ERC1: variants seen among roughly 807,000 people sequenced by gnomAD.
ERC1 encodes RAB6 interacting protein 2.
Under a neutral mutation model 132.0 loss-of-function variants are expected in ERC1, and 56 were observed. The ratio of observed to expected loss-of-function variants is 0.42; its 90% CI spans 0.34 to 0.53. The LOEUF (loss-of-function observed/expected upper bound fraction) is 0.53. Among genes scored for constraint, ERC1 ranks in the 20% least tolerant of loss-of-function variants. ERC1 has a pLI of 0.03. For synonymous variants in ERC1, 478 were observed against 476.1 expected (o/e 1.00, Z -0.05); for missense variants, 1,202 against 1,349.9 (o/e 0.89, Z 1.72).
intron 12 of ERC1, among the ~76,000 whole-genome samples, chr12:1,232,575 G>A (rs2075126133): frequency 6.6e-6 from 1 of 151,982 alleles, no homozygotes; most frequent in Admixed American, 6.5e-5. Flanking sequence ...CTGCATAACT[G>A]AGTTTCCTAT....
chr12:1,461,961 G>A (rs575484761), intron 18 of ERC1, among the ~76,000 whole-genome samples: 37 of 151,854 alleles, frequency 2.4e-4, no homozygotes, highest in Non-Finnish European at 4.6e-4. Flanking sequence ...ACATGACAAA[G>A]TACTTGTATT....
In ERC1 at chr12:1,083,468, C is replaced by G. The variant is rs1328083884; in HGVS notation, c.974C>G (p.Ala325Gly). 6.2e-7 allele frequency: 1 copy of G among 1,614,068 alleles called. No homozygotes were observed. Among genetic ancestry groups the G allele is most frequent in the East Asian group, 2.2e-5 (1 of 44,894 alleles). The change falls in exon 3 of 19, where the codon GCT becomes GGT. Residue 325 changes from alanine to glycine, a missense_variant. Transcript: ENST00000360905. ...MLQSKGLSAKATEEDHERTRR... is the reference protein window; with the variant it reads ...MLQSKGLSAKGTEEDHERTRR... The stretch of plus-strand genomic sequence containing the variant: ...CAGAGCAAAGGACTTTCTGCCAAGG[C>G]TACCGAGGAAGACCATGAGAGAACA...
At chr12:1,320,575 T>G (rs1464525924) in intron 15 of ERC1, among the ~76,000 whole-genome samples, 1 of 152,232 alleles carries the variant, frequency 6.6e-6, no homozygotes, top group African/African-American at 2.4e-5. Context: ...ATGCAGAATT[T>G]TCATAAGTAT....
chr12:1,345,917 T>C (rs895495503), intron 15 of ERC1, among the ~76,000 whole-genome samples: 2 of 152,218 alleles, frequency 1.3e-5, no homozygotes, highest in African/African-American at 2.4e-5. Flanking sequence ...GCCATTCTAC[T>C]TGAAGTATTA....
intron 7 of ERC1, among the ~76,000 whole-genome samples, chr12:1,133,604 A>G (rs1283815521): frequency 2.0e-5 from 3 of 152,184 alleles, no homozygotes; most frequent in African/African-American, 4.8e-5. Context: ...AACTGAATCA[A>G]TATTCAGTCT....
intron 1 of ERC1, chr12:991,571 C>T (rs1243667735): frequency 1.3e-5 from 2 of 152,040 alleles, no homozygotes; most frequent in African/African-American, 2.4e-5. Flanking sequence ...CGGCGCCCAC[C>T]CGCGGGCTCC....
chr12:1,235,148 C>G (rs1039719893), intron 12 of ERC1, among the ~76,000 whole-genome samples: 1 of 152,200 alleles, frequency 6.6e-6, no homozygotes, highest in Admixed American at 6.5e-5. Context: ...CAGTGGATTG[C>G]TTGAGTCCAG....
At chr12:1,372,705 C>T (rs1357238866) in intron 16 of ERC1, among the ~76,000 whole-genome samples, 4 of 152,222 alleles carry the variant, frequency 2.6e-5, no homozygotes, top group African/African-American at 4.8e-5. Flanking sequence ...CCTGGCTGGG[C>T]GCAGCATCCG....
At chr12:1,449,658 C>T (rs191642161) in intron 18 of ERC1, among the ~76,000 whole-genome samples, 39 of 152,006 alleles carry the variant, frequency 2.6e-4, no homozygotes, top group African/African-American at 8.7e-4. Context: ...TTCATAGCAG[C>T]GTGAGAATGG....
Position 1,284,304 on chromosome 12 carries a change from GTGTGTA to G in ERC1, c.2620-5546_2620-5541del, listed in dbSNP as rs1423365024. On this transcript the variant is annotated intron_variant, in intron 14 of 18. Transcript: ENST00000360905. ...TGTGTGTGTGTGTGTGTGTGTGTGT[GTGTGTA>G]TACATACCACATTTTATCCATTCAT... Among the ~76,000 whole-genome samples the G allele has an allele frequency of 2.3e-3, 333 of 144,064 alleles. 1 individual carries two copies. The highest frequency in any genetic ancestry group is 8.1e-3 in the African/African-American group (300 of 37,076). 94.5% of individuals were successfully genotyped at this position (144,064 alleles called of 152,430 possible). A position where few individuals can be genotyped will look rare whatever the true frequency, so the allele number is the denominator to read the frequency against.
chr12:1,151,526 G>A (rs1305747491), intron 8 of ERC1, among the ~76,000 whole-genome samples: 1 of 152,190 alleles, frequency 6.6e-6, no homozygotes, highest in East Asian at 1.9e-4. Context: ...CCCTCCATTT[G>A]AACTCTTAAA....
Position 1,274,260 on chromosome 12 carries a change from C to CT in ERC1, c.2619+11096dup, listed in dbSNP as rs759556575. Among the ~76,000 whole-genome samples, 12 of 152,228 alleles carry CT rather than the reference C, an allele frequency of 7.9e-5. No individual in the cohort carries two copies. In the East Asian group the frequency reaches 2.1e-3, roughly 27 times the overall value. On this transcript the variant is annotated intron_variant, in intron 14 of 18. Coordinates refer to ENST00000360905, the MANE Select transcript of ERC1 (RefSeq NM_178040.4). ...TTGTTTATCTAGATCCTCCTATGTG[C>CT]TAGAAACTGAGAATACTTTACTGAA...
chr12:1,045,220 G>C (rs1284306854), intron 2 of ERC1, among the ~76,000 whole-genome samples: 1 of 152,178 alleles, frequency 6.6e-6, no homozygotes, highest in Middle Eastern at 3.4e-3. Flanking sequence ...GTCACTAAAA[G>C]GTATACTTTG....
At chr12:1,294,811 T>G (rs2079788147) in intron 15 of ERC1, among the ~76,000 whole-genome samples, 1 of 152,172 alleles carries the variant, frequency 6.6e-6, no homozygotes, top group Non-Finnish European at 1.5e-5. Context: ...TTTTGATGTT[T>G]TTTGTTTTTT....
At chr12:1,347,352 C>T (rs61913101) in intron 15 of ERC1, among the ~76,000 whole-genome samples, 50,603 of 151,904 alleles carry the variant, frequency 0.33, 8,650 homozygotes, top group Middle Eastern at 0.38. Flanking sequence ...TTTTTTTAAA[C>T]TGACAAATAA....
chr12:1,017,177 A>G (rs1321183826), intron 1 of ERC1, among the ~76,000 whole-genome samples: 1 of 151,658 alleles, frequency 6.6e-6, no homozygotes, highest in East Asian at 2.0e-4. Context: ...TTGTATTTTT[A>G]GTAGAGACGG....
At chr12:1,348,368 G>GA (rs2084678890) in intron 15 of ERC1, among the ~76,000 whole-genome samples, 1 of 152,168 alleles carries the variant, frequency 6.6e-6, no homozygotes, top group African/African-American at 2.4e-5. Context: ...GGCCAATGAT[G>GA]AAGAATCAGC....
intron 15 of ERC1, among the ~76,000 whole-genome samples, chr12:1,366,331 C>A (rs1440472481): frequency 1.3e-5 from 2 of 151,940 alleles, no homozygotes; most frequent in Admixed American, 1.3e-4. Context: ...AGAAACAGAC[C>A]CTACCCATGT....
intron 8 of ERC1, among the ~76,000 whole-genome samples, chr12:1,175,550 T>G (rs938431527): frequency 6.6e-6 from 1 of 151,480 alleles, no homozygotes; most frequent in African/African-American, 2.4e-5. Flanking sequence ...TTTTTTTTTT[T>G]GAGACGGAGT....
Sources: gnomAD v4.1 joint callset for allele counts (sites outside exome capture counted in the v4.1 genomes callset) on GRCh38, gnomAD v4.1.1 for gene constraint, MANE v1.5 for transcripts, NCBI Gene and HGNC (gene_info 2026-07-23, HGNC 2026-07-21) for gene names.